The following TMEM108 variants were observed in gnomAD, a reference collection of about 807,000 sequenced individuals.
The protein encoded by TMEM108 is cancer/testis antigen 124.
TMEM108 carries 12 observed loss-of-function variants against 35.1 expected under a neutral mutation model. The observed-to-expected ratio is 0.34, with a 90% CI of 0.22 to 0.55. The LOEUF (loss-of-function observed/expected upper bound fraction) is 0.55, where lower values mean the gene tolerates loss of function less well. TMEM108 is among the 20% of genes least tolerant of loss of function. The probability of loss-of-function intolerance (pLI) is 0.89; values close to 1 mark genes in which losing one functional copy is unlikely to be tolerated. For missense variants in TMEM108, 680 were observed against 753.3 expected (o/e 0.90, Z 1.14); for synonymous variants, 287 against 308.6 (o/e 0.93, Z 0.73).
chr3:133,349,608 T>G (rs1037500327), intron 3 of TMEM108, among the ~76,000 whole-genome samples: 1 of 150,752 alleles, frequency 6.6e-6, no homozygotes, highest in African/African-American at 2.4e-5. Context: ...AAAACTAACC[T>G]GATTTTTAAA....
chr3:133,358,926 C>T (rs1404704474), intron 3 of TMEM108, among the ~76,000 whole-genome samples: 2 of 152,156 alleles, frequency 1.3e-5, no homozygotes, highest in African/African-American at 4.8e-5. Context: ...TATTGGGAAC[C>T]TTCCCCACCT....
At chr3:133,220,486 A>G (rs1945974171) in intron 2 of TMEM108, among the ~76,000 whole-genome samples, 1 of 152,170 alleles carries the variant, frequency 6.6e-6, no homozygotes. Flanking sequence ...AATCAAGGTA[A>G]TTATTGATAA....
intron 2 of TMEM108, among the ~76,000 whole-genome samples, chr3:133,110,079 G>A (rs1944206693): frequency 6.6e-6 from 1 of 152,128 alleles, no homozygotes; most frequent in East Asian, 1.9e-4. Context: ...TCTTCACCAA[G>A]CCTGTTTTGC....
chr3:133,080,924 T>C (rs918179051), intron 2 of TMEM108, among the ~76,000 whole-genome samples: 6 of 152,206 alleles, frequency 3.9e-5, no homozygotes, highest in African/African-American at 1.2e-4. Flanking sequence ...CCCCTTTAGC[T>C]CCTTAAAGCT....
intron 2 of TMEM108, among the ~76,000 whole-genome samples, chr3:133,046,922 A>G (rs1371830167): frequency 1.3e-5 from 2 of 152,210 alleles, no homozygotes; most frequent in Admixed American, 6.5e-5. Flanking sequence ...AACCTTTGCT[A>G]GATAATGTCC....
At chr3:133,157,493 A>T (rs960934240) in intron 2 of TMEM108, among the ~76,000 whole-genome samples, 3 of 152,242 alleles carry the variant, frequency 2.0e-5, no homozygotes, top group African/African-American at 7.2e-5. Flanking sequence ...CCTGAGTCTT[A>T]TAAGTTTGGG....
chr3:133,066,103 C>G (rs958291096), intron 2 of TMEM108, among the ~76,000 whole-genome samples: 1 of 152,074 alleles, frequency 6.6e-6, no homozygotes, highest in Admixed American at 6.6e-5. Context: ...CGTGACATTC[C>G]TTATTAGATT....
rs576851249 is a variant in TMEM108, at chr3:133,184,520, A to AT, written c.-46-44738dup. Among the ~76,000 whole-genome samples, 10 of 152,178 alleles carry AT rather than the reference A, an allele frequency of 6.6e-5. 1 individual carries two copies. The highest frequency in any genetic ancestry group is 1.9e-4 in the African/African-American group (8 of 41,526). ...GAATCTTAGATTTCTACAGTTAAAA[A>AT]TTTTTTTTACCATTGCCTTGACACC... On this transcript the variant is annotated intron_variant, in intron 2 of 5. Coordinates refer to ENST00000321871, the MANE Select transcript of TMEM108 (RefSeq NM_023943.4).
chr3:133,142,242 A>G (rs1944651630), intron 2 of TMEM108, among the ~76,000 whole-genome samples: 1 of 152,190 alleles, frequency 6.6e-6, no homozygotes, highest in African/African-American at 2.4e-5. Context: ...AATATAATCC[A>G]TGTACATGGA....
chr3:133,102,751 C>A (rs1435395978), intron 2 of TMEM108, among the ~76,000 whole-genome samples: 2 of 152,136 alleles, frequency 1.3e-5, no homozygotes, highest in African/African-American at 2.4e-5. Flanking sequence ...ATAGGACTTA[C>A]AATAAGTGTG....
intron 2 of TMEM108, among the ~76,000 whole-genome samples, chr3:133,104,824 A>G (rs1944130223): frequency 6.6e-6 from 1 of 152,124 alleles, no homozygotes; most frequent in African/African-American, 2.4e-5. Flanking sequence ...GTGCAGCCAT[A>G]GCTCCTCCAT....
intron 3 of TMEM108, among the ~76,000 whole-genome samples, chr3:133,233,286 A>G (rs929948023): frequency 3.9e-5 from 6 of 152,080 alleles, no homozygotes; most frequent in South Asian, 2.1e-4. Flanking sequence ...GAGAATATGC[A>G]GTGTTTGGTT....
intron 3 of TMEM108, chr3:133,257,014 C>T (rs1427020078): frequency 6.6e-6 from 1 of 152,186 alleles, no homozygotes; most frequent in Non-Finnish European, 1.5e-5. Flanking sequence ...GGAAACAGTG[C>T]CTGTACTTAC....
At chr3:133,348,886 G>T (rs11710126) in intron 3 of TMEM108, among the ~76,000 whole-genome samples, 46,496 of 151,968 alleles carry the variant, frequency 0.31, 7,839 homozygotes, top group East Asian at 0.47. Flanking sequence ...CCAAAAACAG[G>T]ATTGGGAAGG....
At chr3:133,212,132 A>G (rs1410367281) in intron 2 of TMEM108, among the ~76,000 whole-genome samples, 2 of 152,162 alleles carry the variant, frequency 1.3e-5, no homozygotes, top group Non-Finnish European at 2.9e-5. Flanking sequence ...TCTGCTCCTC[A>G]GTTTTCTAGA....
At chr3:133,099,643 T>C (rs147920898) in intron 2 of TMEM108, among the ~76,000 whole-genome samples, 11 of 152,298 alleles carry the variant, frequency 7.2e-5, no homozygotes, top group African/African-American at 2.6e-4. Flanking sequence ...CCAGATACCC[T>C]AAATCATCTC....
chr3:133,284,412 C>T (rs912508583), intron 3 of TMEM108, among the ~76,000 whole-genome samples: 2 of 152,194 alleles, frequency 1.3e-5, no homozygotes, highest in African/African-American at 4.8e-5. Context: ...GTGCTTAGGC[C>T]TCCCACCTGG....
chr3:133,122,651 C>G (rs893640164), intron 2 of TMEM108, among the ~76,000 whole-genome samples: 2 of 151,996 alleles, frequency 1.3e-5, no homozygotes, highest in Admixed American at 1.3e-4. Context: ...GGATCGAGGT[C>G]AGGAGATCAA....
chr3:133,066,633 A>C (rs964457771), intron 2 of TMEM108, among the ~76,000 whole-genome samples: 47 of 152,312 alleles, frequency 3.1e-4, no homozygotes, highest in Non-Finnish European at 5.4e-4. Context: ...CTTCTTCTAT[A>C]GTTTACTCAG....
Sources: allele counts gnomAD v4.1 joint callset (sites outside exome capture counted in the v4.1 genomes callset), GRCh38; gene constraint gnomAD v4.1.1; transcripts MANE v1.5; gene names NCBI Gene and HGNC (gene_info 2026-07-23, HGNC 2026-07-21).